Variants in THUMPD2 observed in about 807,000 individuals in gnomAD.
The protein encoded by THUMPD2 is U6 snRNA (guanine-N(2))-methyltransferase THUMPD2.
Under a neutral mutation model 49.4 loss-of-function variants are expected in THUMPD2, and 56 were observed. That is an observed-to-expected ratio of 1.13 (90% CI 0.91 to 1.41). THUMPD2 has a LOEUF of 1.41. THUMPD2 is among the 40% of genes most tolerant of loss of function. The pLI, the probability that THUMPD2 is intolerant of heterozygous loss-of-function variation, is 0.00. For synonymous variants in THUMPD2, 237 were observed against 205.2 expected (o/e 1.15, Z -1.32); for missense variants, 709 against 594.5 (o/e 1.19, Z -2.00).
chr2:39,778,790 G>T (rs568364996), intron 1 of THUMPD2, among the ~76,000 whole-genome samples: 2 of 152,294 alleles, frequency 1.3e-5, no homozygotes, highest in Non-Finnish European at 2.9e-5. Context: ...AAGAGCGAAG[G>T]GTTCTAACTC....
chr2:39,750,488 C>T lies in THUMPD2; in HGVS notation c.1078+4807G>A, dbSNP rs1275729676. ...TTGTTAGGCCAAGGCGGGTGGATTG[C>T]CTGAGCTCAGGAGTTTGCGACCAGC... On this transcript the variant is annotated intron_variant, in intron 8 of 9. Transcript: ENST00000505747. Among the ~76,000 whole-genome samples the T allele has an allele frequency of 3.3e-5, 5 of 152,076 alleles. No homozygotes were observed. In the East Asian group the frequency reaches 9.6e-4, roughly 29 times the overall value.
At chr2:39,755,804 T>G (rs1312573835) in intron 7 of THUMPD2, 85 bp downstream of exon 7, 3 of 1,109,570 alleles carry the variant, frequency 2.7e-6, no homozygotes, top group Non-Finnish European at 2.7e-6. Flanking sequence ...CAAATAGACA[T>G]TCTACTTGTA....
chr2:39,774,214 T>C (rs1678768826), intron 1 of THUMPD2, among the ~76,000 whole-genome samples: 1 of 152,276 alleles, frequency 6.6e-6, no homozygotes, highest in Non-Finnish European at 1.5e-5. Flanking sequence ...AACCCTGGAA[T>C]AACTTAACTG....
chr2:39,750,498 G>C (rs922994986), intron 8 of THUMPD2, among the ~76,000 whole-genome samples: 2 of 152,152 alleles, frequency 1.3e-5, no homozygotes, highest in Non-Finnish European at 2.9e-5. Flanking sequence ...CCTGAGCTCA[G>C]GAGTTTGCGA....
In THUMPD2 at chr2:39,761,211, TAAAGAA is replaced by T. The variant is rs1200158217; in HGVS notation, c.891+114_891+119del. ...GTACAATGGCAAAAAGAAAAGAAGT[TAAAGAA>T]AAAGCGTCAAGAAAAGAAAAAGCAA... On this transcript the variant is annotated intron_variant, in intron 6 of 9. Coordinates refer to ENST00000505747, the MANE Select transcript of THUMPD2 (RefSeq NM_025264.5). 3.5e-6 allele frequency: 3 copies of T among 845,284 alleles called. No individual in the cohort carries two copies. The African/African-American group carries it at 5.1e-5, about 14-fold the overall frequency. 52.4% of individuals were successfully genotyped at this position (845,284 alleles called of 1,614,324 possible).
At chr2:39,769,080 C>T in intron 3 of THUMPD2, 2 of 1,304,294 alleles carry the variant, frequency 1.5e-6, no homozygotes, top group South Asian at 1.2e-5. Flanking sequence ...TGGTGACAAT[C>T]CCATGTACAG....
chr2:39,761,753 T>A (rs1014269587), intron 5 of THUMPD2, among the ~76,000 whole-genome samples: 10 of 152,186 alleles, frequency 6.6e-5, no homozygotes, highest in African/African-American at 2.4e-4. Context: ...CTTTTTTTGC[T>A]ATTTGAAGTC....
intron 5 of THUMPD2, 128 bp from the exon 6 acceptor site, chr2:39,761,546 G>C (rs947769704): frequency 9.6e-6 from 8 of 830,786 alleles, no homozygotes; most frequent in Non-Finnish European, 1.5e-5. Flanking sequence ...TATTCCCTAA[G>C]TTAGACAATG....
chr2:39,747,979 A>G (rs1558496950), intron 8 of THUMPD2, among the ~76,000 whole-genome samples: 1 of 152,210 alleles, frequency 6.6e-6, no homozygotes, highest in Non-Finnish European at 1.5e-5. Flanking sequence ...TCCATACCAT[A>G]TCCAAAGAAT....
intron 8 of THUMPD2, among the ~76,000 whole-genome samples, chr2:39,753,309 G>A (rs1380954726): frequency 6.6e-6 from 1 of 152,168 alleles, no homozygotes; most frequent in Non-Finnish European, 1.5e-5. Context: ...CCAATGAGAA[G>A]CAGCTGACAC....
chr2:39,755,779 A>AT, intron 7 of THUMPD2, 110 bp downstream of exon 7: 1 of 865,544 alleles, frequency 1.2e-6, no homozygotes, highest in Non-Finnish European at 1.8e-6. Flanking sequence ...AACTCATATA[A>AT]TTAAAAATAA....
chr2:39,765,018 A>T (rs1357559785), intron 5 of THUMPD2, among the ~76,000 whole-genome samples: 2 of 152,192 alleles, frequency 1.3e-5, no homozygotes, highest in African/African-American at 4.8e-5. Context: ...AAAAAACATT[A>T]ATATAAAGTT....
intron 9 of THUMPD2, among the ~76,000 whole-genome samples, chr2:39,740,715 A>ATTTCT (rs536771636): frequency 6.6e-6 from 1 of 151,246 alleles, no homozygotes; most frequent in Admixed American, 6.6e-5. Context: ...TATACACATA[A>ATTTCT]TTTCTTTTCT....
chr2:39,739,273 C>T (rs895060777), intron 9 of THUMPD2, among the ~76,000 whole-genome samples: 1 of 152,178 alleles, frequency 6.6e-6, no homozygotes. Flanking sequence ...TTTGATGTCA[C>T]TGCCTGCTTT....
rs182916083 is a variant in THUMPD2 at position 39,743,210 on chromosome 2, A to G, written c.1187+1160T>C. Among the ~76,000 whole-genome samples, 6 of 152,328 alleles carry G rather than the reference A, an allele frequency of 3.9e-5. No individual in the cohort carries two copies. The East Asian group carries it at 1.2e-3, about 29-fold the overall frequency. On this transcript the variant is annotated intron_variant, in intron 9 of 9. Transcript: ENST00000505747. ...CCATTATTTACATAGCAGGCTCTTGAAATGTGTGTTATCAAATTCCCAGCT... is the reference window on the plus strand; with the variant it reads ...CCATTATTTACATAGCAGGCTCTTGGAATGTGTGTTATCAAATTCCCAGCT...
intron 8 of THUMPD2, among the ~76,000 whole-genome samples, chr2:39,751,754 G>C (rs1214160314): frequency 1.4e-5 from 2 of 140,004 alleles, no homozygotes; most frequent in East Asian, 2.2e-4. Flanking sequence ...GCACAATCTA[G>C]GGTCACTGCA....
rs747918695 is a variant in THUMPD2, at chr2:39,769,799, T to C, written c.583A>G (p.Lys195Glu). 2.5e-6 allele frequency: 4 copies of C among 1,609,876 alleles called. No homozygotes were observed. In the Admixed American group the frequency reaches 5.1e-5, roughly 20 times the overall value. ...QEEEFQNDIE[K>E]AIDTHNQNDL... ...TTCTGATTATGAGTATCAATTGCTT[T>C]CTCTATGTCATTCTGAAATTCTTCT... Residue 195 changes from lysine (K) to glutamate (E), a missense_variant, in exon 3 of 10, where the codon AAA (lysine) becomes GAA (glutamate). Physicochemically the swap from Lys to Glu is moderately conservative, Grantham distance 56. Transcript: ENST00000505747.
chr2:39,760,616 C>A (rs1676697653), intron 6 of THUMPD2, among the ~76,000 whole-genome samples: 1 of 151,740 alleles, frequency 6.6e-6, no homozygotes, highest in Non-Finnish European at 1.5e-5. Context: ...GTAAAAATAG[C>A]TATGTGTTTG....
At chr2:39,764,123 C>T (rs898644542) in intron 5 of THUMPD2, among the ~76,000 whole-genome samples, 4 of 152,192 alleles carry the variant, frequency 2.6e-5, no homozygotes, top group African/African-American at 9.7e-5. Context: ...TCTTTCTGCT[C>T]ACAGGTCCGT....
Sources: allele counts gnomAD v4.1 joint callset (sites outside exome capture counted in the v4.1 genomes callset), GRCh38; gene constraint gnomAD v4.1.1; transcripts MANE v1.5; gene names NCBI Gene and HGNC (gene_info 2026-07-23, HGNC 2026-07-21).